Variants in ITGB7 observed in about 807,000 individuals in gnomAD.
ITGB7 encodes the protein integrin beta-7.
ITGB7 carries 55 observed loss-of-function variants against 83.4 expected under a neutral mutation model. That is an observed-to-expected ratio of 0.66 (90% confidence interval 0.53 to 0.83). The LOEUF is 0.83. Among genes scored for constraint, ITGB7 ranks in the 40% least tolerant of loss-of-function variants. ITGB7 has a pLI of 0.00. For synonymous variants in ITGB7, 454 were observed against 423.6 expected (o/e 1.07, Z -0.88); for missense variants, 921 against 1,046.7 (o/e 0.88, Z 1.66).
At chr12:53,192,040 A>C in intron 14 of ITGB7, 21 bp from the exon 15 acceptor site, 3 of 1,607,828 alleles carry the variant, frequency 1.9e-6, no homozygotes, top group Non-Finnish European at 2.6e-6. Context: ...GAAACCAGAC[A>C]CACTTGTGGG....
intron 1 of ITGB7, among the ~76,000 whole-genome samples, chr12:53,203,647 C>CAAAAAAAAAAAAAAAAAAAAAAA (rs1158624130): frequency 5.9e-5 from 3 of 51,054 alleles, no homozygotes; most frequent in African/African-American, 1.6e-4. Context: ...GACCCTGTCT[C>CAAAAAAAAAAAAAAAAAAAAAAA]AAAAAAAAAA....
Position 53,196,038 on chromosome 12 carries a change from C to T in ITGB7, c.975+3G>A, listed in dbSNP as rs371779348. On this transcript the variant is annotated splice_donor_region_variant and intron_variant, in intron 7 of 15. Coordinates refer to ENST00000267082, the MANE Select transcript of ITGB7 (RefSeq NM_000889.3). Reference sequence around the variant, plus strand: ...GAGAGGCAGGGTGACAATAGGGACTCACAAACTCTGTGCTGCGACTGTAGA... The same window carrying T: ...GAGAGGCAGGGTGACAATAGGGACTTACAAACTCTGTGCTGCGACTGTAGA... 4.5e-4 allele frequency: 720 copies of T among 1,613,524 alleles called. No individual in the cohort carries two copies. Among genetic ancestry groups the T allele is most frequent in the Admixed American group, 6.5e-4 (39 of 59,966 alleles).
chr12:53,196,345 T>C, intron 6 of ITGB7, 146 bp from the exon 7 acceptor site: 1 of 1,058,198 alleles, frequency 9.5e-7, no homozygotes, highest in Non-Finnish European at 1.4e-6. Context: ...TTCTCCCTGC[T>C]CTCTCCAGCC....
chr12:53,205,694 C>G (rs1398886493), intron 1 of ITGB7, among the ~76,000 whole-genome samples: 1 of 152,182 alleles, frequency 6.6e-6, no homozygotes, highest in Non-Finnish European at 1.5e-5. Context: ...ACATTCCCAT[C>G]AGCAATGTAT....
At position 53,192,497 on chromosome 12, in the gene ITGB7, G is replaced by A; in HGVS notation, c.1988C>T (p.Ala663Val). The A allele has an allele frequency of 1.2e-6, 2 of 1,614,162 alleles. No individual in the cohort carries two copies. Among genetic ancestry groups the A allele is most frequent in the East Asian group, 2.2e-5 (1 of 44,880 alleles). ...ECGAFRTGPL[A>V]TNCSTACAHT... ...GGCACAAGCTGTACTGCAGTTGGTG[G>A]CCAGTGGGCCAGTCCTGAAGGCCCC... Residue 663 changes from alanine to valine, a missense_variant, in exon 14 of 16, where the codon GCC (alanine) becomes GTC (valine). Physicochemically the swap from Ala to Val is moderately conservative, Grantham distance 64. Transcript: ENST00000267082.
At chr12:53,198,083 C>T in intron 3 of ITGB7, 132 bp from the exon 4 acceptor site, 1 of 624,022 alleles carries the variant, frequency 1.6e-6, no homozygotes, top group South Asian at 2.1e-5. Context: ...CCCTGATTCC[C>T]TCCCCTCTTC....
intron 3 of ITGB7, among the ~76,000 whole-genome samples, chr12:53,198,234 A>T (rs1942233541): frequency 6.6e-6 from 1 of 152,062 alleles, no homozygotes; most frequent in Non-Finnish European, 1.5e-5. Context: ...GGTTCAAGTG[A>T]TTCTCGTACC....
At chr12:53,193,409 C>A (rs1428428200) in intron 11 of ITGB7, 46 bp from the exon 12 acceptor site, 4 of 1,375,292 alleles carry the variant, frequency 2.9e-6, no homozygotes, top group Non-Finnish European at 3.9e-6. Flanking sequence ...AGGGTTTGAT[C>A]ACCCCTGACT....
At chr12:53,207,055 G>A (rs1438536823) in intron 1 of ITGB7, 147 bp downstream of exon 1, 1 of 152,312 alleles carries the variant, frequency 6.6e-6, no homozygotes, top group African/African-American at 2.4e-5. Context: ...GGGGATCTTA[G>A]GAATGCAGAA....
rs373021705 is a variant in ITGB7 at position 53,191,815 on chromosome 12, T to C, written c.2316+44A>G. The C allele has an allele frequency of 4.9e-5, 79 of 1,610,774 alleles. 1 individual carries two copies. Among genetic ancestry groups the C allele is most frequent in the Non-Finnish European group, 6.2e-5 (73 of 1,178,068 alleles). On this transcript the variant is annotated intron_variant, in intron 15 of 15. Coordinates refer to ENST00000267082, the MANE Select transcript of ITGB7 (RefSeq NM_000889.3). ...GGAGGAATCAGGGCTGGTCTTGTGGTGGGGGAACAGCTAAAAAGGGGCCTA... is the reference window on the plus strand; with the variant it reads ...GGAGGAATCAGGGCTGGTCTTGTGGCGGGGGAACAGCTAAAAAGGGGCCTA...
Position 53,192,324 on chromosome 12 carries a change from A to T in ITGB7, c.2155+6T>A, listed in dbSNP as rs753176133. ...TCCAGGGTTTGTGGCATCCCTGCCC[A>T]CTTACTTTCTTGGGGTCTCACTCTG... On this transcript the variant is annotated splice_donor_region_variant and intron_variant, in intron 14 of 15. Coordinates refer to ENST00000267082, the MANE Select transcript of ITGB7 (RefSeq NM_000889.3). 13 of 1,613,426 alleles carry T rather than the reference A, an allele frequency of 8.1e-6. No homozygotes were observed. The African/African-American group carries it at 1.7e-4, about 22-fold the overall frequency.
intron 9 of ITGB7, chr12:53,194,799 A>G (rs1489284085): frequency 1.1e-5 from 2 of 174,712 alleles, no homozygotes; most frequent in African/African-American, 4.7e-5. Context: ...TTGCAGAGGT[A>G]AGACCTAAAC....
intron 2 of ITGB7, 113 bp downstream of exon 2, chr12:53,200,959 G>T (rs1350625563): frequency 6.4e-6 from 1 of 155,870 alleles, no homozygotes; most frequent in Non-Finnish European, 1.4e-5. Context: ...CCTCAGAGAA[G>T]ATCTGTCCTT....
rs548878886 is a variant in ITGB7, at chr12:53,196,455, A to C, written c.816+124T>G. On this transcript the variant is annotated intron_variant, in intron 6 of 15. Transcript: ENST00000267082. The stretch of plus-strand genomic sequence containing the variant: ...CTCCAACCCACCAGGTAATTGCTAA[A>C]TATACAAACTACAGCAACTATGGTA... The C allele has an allele frequency of 2.8e-4, 370 of 1,339,770 alleles. 1 individual carries two copies. The highest frequency in any genetic ancestry group is 3.4e-4 in the Non-Finnish European group (333 of 989,844). The allele number at this position is 1,339,770 out of a possible 1,614,324, so 83.0% of individuals were successfully genotyped here. A position where few individuals can be genotyped will look rare whatever the true frequency, so the allele number is the denominator to read the frequency against.
chr12:53,194,264 A>T lies in ITGB7; in HGVS notation c.1242T>A (p.Gly414=), dbSNP rs1460929160. ...VHISYESQCE[G]PEKREGKAED... is the part of the protein sequence containing the mutation. ...CAGCCTTACCCTCCCTCTTCTCAGGACCCTCACACTGGGATTCGTAAGAAA... is the reference window on the plus strand; with the variant it reads ...CAGCCTTACCCTCCCTCTTCTCAGGTCCCTCACACTGGGATTCGTAAGAAA... The change falls in exon 10 of 16, where the codon GGT becomes GGA. Residue 414 remains glycine, a synonymous_variant. Coordinates refer to ENST00000267082, the MANE Select transcript of ITGB7 (RefSeq NM_000889.3). 6.2e-7 allele frequency: 1 copy of T among 1,613,684 alleles called. No individual in the cohort carries two copies. Among genetic ancestry groups the T allele is most frequent in the South Asian group, 1.1e-5 (1 of 91,062 alleles).
intron 2 of ITGB7, 125 bp from the exon 3 acceptor site, chr12:53,200,571 A>G (rs940549764): frequency 5.4e-6 from 4 of 736,198 alleles, no homozygotes; most frequent in South Asian, 3.6e-5. Flanking sequence ...CTCCCCTCAT[A>G]GTTTCACTTC....
chr12:53,203,647 C>CAAAAAAAAAA (rs1158624130), intron 1 of ITGB7, among the ~76,000 whole-genome samples: 6 of 51,052 alleles, frequency 1.2e-4, no homozygotes, highest in Admixed American at 2.5e-4. Flanking sequence ...GACCCTGTCT[C>CAAAAAAAAAA]AAAAAAAAAA....
rs753822465 is a variant in ITGB7 at position 53,193,951 on chromosome 12, T to C, written c.1309-50A>G. On this transcript the variant is annotated intron_variant, in intron 10 of 15. Coordinates refer to ENST00000267082, the MANE Select transcript of ITGB7 (RefSeq NM_000889.3). ...ATGGTTATACACATGCACACACACATACCCCAAACTCACCAATCATCCAGA... is the reference window on the plus strand; with the variant it reads ...ATGGTTATACACATGCACACACACACACCCCAAACTCACCAATCATCCAGA... The C allele has an allele frequency of 2.0e-6, 3 of 1,509,232 alleles. No individual in the cohort carries two copies. In the South Asian group the frequency reaches 3.7e-5, roughly 18 times the overall value. The allele number at this position is 1,509,232 out of a possible 1,614,324, so 93.5% of individuals were successfully genotyped here.
rs574026599 is a variant in ITGB7 at position 53,196,329 on chromosome 12, C to T, written c.817-130G>A. ...CTTGTCCATCCCCTTGCCTCCAGTA[C>T]CTTGCTTCTCCCTGCTCTCTCCAGC... On this transcript the variant is annotated intron_variant, in intron 6 of 15. Transcript: ENST00000267082. 7.1e-5 allele frequency: 81 copies of T among 1,135,236 alleles called. 2 individuals carry two copies. In the South Asian group the frequency reaches 1.2e-3, roughly 16 times the overall value. The allele number at this position is 1,135,236 out of a possible 1,614,324, so 70.3% of individuals were successfully genotyped here.
Sources: allele counts gnomAD v4.1 joint callset (sites outside exome capture counted in the v4.1 genomes callset), GRCh38; gene constraint gnomAD v4.1.1; transcripts MANE v1.5; gene names NCBI Gene and HGNC (gene_info 2026-07-23, HGNC 2026-07-21).